LGSN: variants seen among roughly 807,000 people sequenced by gnomAD.
LGSN encodes lengsin.
A neutral mutation model predicts 19.5 loss-of-function variants in LGSN; 21 were observed. The observed-to-expected ratio is 1.07, with a 90% CI of 0.76 to 1.55. LGSN has a LOEUF of 1.55. Among genes scored for constraint, LGSN ranks in the 40% most tolerant of loss-of-function variants. LGSN has a pLI of 0.00. For synonymous variants in LGSN, 257 were observed against 215.6 expected (o/e 1.19, Z -1.68); for missense variants, 673 against 608.5 (o/e 1.11, Z -1.12).
chr6:63,342,513 T>G, the LGSN span, among the ~76,000 whole-genome samples: 1 of 152,186 alleles, frequency 6.6e-6, no homozygotes, highest in Non-Finnish European at 1.5e-5. Context: ...ACACATTAAA[T>G]AGTTATACTT....
the LGSN span, among the ~76,000 whole-genome samples, chr6:63,562,466 T>C: frequency 3.3e-5 from 5 of 152,250 alleles, no homozygotes. Context: ...CCCAAAGTGC[T>C]GGGATTACAG....
the LGSN span, among the ~76,000 whole-genome samples, chr6:63,534,809 A>ATAAAGAATTTCTTTACTAGAGAATTTAG: frequency 2.5e-4 from 38 of 152,188 alleles, no homozygotes; most frequent in African/African-American, 9.2e-4. Flanking sequence ...AAAGAATTTC[A>ATAAAGAATTTCTTTACTAGAGAATTTAG]TAAAGAATTT....
chr6:63,339,269 G>T, the LGSN span, among the ~76,000 whole-genome samples: 12 of 152,138 alleles, frequency 7.9e-5, no homozygotes, highest in Non-Finnish European at 1.6e-4. Flanking sequence ...TTGAAAATGG[G>T]ATATTGAAGT....
the LGSN span, among the ~76,000 whole-genome samples, chr6:63,497,762 GC>G: frequency 6.6e-6 from 1 of 151,786 alleles, no homozygotes; most frequent in Non-Finnish European, 1.5e-5. Flanking sequence ...TCATTTTATA[GC>G]CCTTTATATT....
chr6:63,294,959 A>C lies in LGSN; in HGVS notation c.117T>G (p.Tyr39Ter). Reference sequence around the variant, plus strand: ...TTTCTCCCACTTCAGTTGAACAAACATATGGTTTAGTGACTTTCTTCCTTG... The same window carrying C: ...TTTCTCCCACTTCAGTTGAACAAACCTATGGTTTAGTGACTTTCTTCCTTG... ...RRTRKKVTKP[Y>*]VCSTEVGETD... The change falls in exon 2 of 4, where the codon TAT becomes TAG. Residue 39 changes from tyrosine to a stop codon, truncating the protein, a stop_gained. Transcript: ENST00000370657. LOFTEE classifies it high-confidence loss of function. 1 of 1,613,900 alleles carries C rather than the reference A, an allele frequency of 6.2e-7. No homozygotes were observed.
At chr6:63,493,476 G>A in the LGSN span, among the ~76,000 whole-genome samples, 1 of 151,470 alleles carries the variant, frequency 6.6e-6, no homozygotes, top group African/African-American at 2.5e-5. Flanking sequence ...CATCTCAGCA[G>A]GACTGTCCAG....
At chr6:63,288,230 A>AAAAT (rs561099445) in intron 2 of LGSN, among the ~76,000 whole-genome samples, 38,685 of 138,174 alleles carry the variant, frequency 0.28, 6,212 homozygotes, top group Non-Finnish European at 0.36. Flanking sequence ...CCATCTCAAA[A>AAAAT]AAATAAATAA....
chr6:63,424,944 T>A, the LGSN span, among the ~76,000 whole-genome samples: 1 of 145,364 alleles, frequency 6.9e-6, no homozygotes, highest in African/African-American at 2.5e-5. Context: ...AATTCACCAG[T>A]AGAAAAATAA....
intron 2 of LGSN, among the ~76,000 whole-genome samples, chr6:63,289,473 C>A (rs543803073): frequency 4.5e-4 from 69 of 152,196 alleles, no homozygotes; most frequent in African/African-American, 1.3e-3. Flanking sequence ...CAGATAATTG[C>A]CAGTTCAGGA....
the LGSN span, among the ~76,000 whole-genome samples, chr6:63,483,006 T>C: frequency 3.3e-5 from 5 of 152,192 alleles, no homozygotes; most frequent in Non-Finnish European, 7.3e-5. Flanking sequence ...TGACTTATTC[T>C]TTCAACAAAT....
the LGSN span, among the ~76,000 whole-genome samples, chr6:63,487,660 C>T: frequency 1.3e-5 from 2 of 152,048 alleles, no homozygotes. Flanking sequence ...GGTATAAATC[C>T]TCAAAATCCT....
the LGSN span, among the ~76,000 whole-genome samples, chr6:63,410,734 T>C: frequency 6.6e-5 from 10 of 152,212 alleles, no homozygotes; most frequent in African/African-American, 2.4e-4. Context: ...CAAGAACCTA[T>C]GACATGTGTT....
At chr6:63,539,376 T>G in the LGSN span, among the ~76,000 whole-genome samples, 2 of 152,180 alleles carry the variant, frequency 1.3e-5, no homozygotes, top group African/African-American at 4.8e-5. Flanking sequence ...CCTCCAGGAT[T>G]CCATCCCACT....
upstream of LGSN, chr6:63,320,009 T>C: frequency 8.4e-7 from 1 of 1,188,496 alleles, no homozygotes; most frequent in Non-Finnish European, 1.3e-6. Context: ...CAACATGTAT[T>C]TATATGTGTA....
chr6:63,446,391 T>A, the LGSN span, among the ~76,000 whole-genome samples: 111 of 152,176 alleles, frequency 7.3e-4, no homozygotes, highest in African/African-American at 2.6e-3. Context: ...CCCCCAGAGC[T>A]TAATCTATCT....
chr6:63,314,481 A>G (rs1768766135), intron 1 of LGSN, among the ~76,000 whole-genome samples: 1 of 152,194 alleles, frequency 6.6e-6, no homozygotes, highest in African/African-American at 2.4e-5. Context: ...AGGAAGGAAG[A>G]GAAAAAATGA....
At chr6:63,488,983 C>G in the LGSN span, among the ~76,000 whole-genome samples, 3 of 152,056 alleles carry the variant, frequency 2.0e-5, no homozygotes, top group Admixed American at 1.3e-4. Flanking sequence ...GAATTCTGTC[C>G]TCCAATTTTA....
intron 1 of LGSN, among the ~76,000 whole-genome samples, chr6:63,306,054 GA>G (rs1479373196): frequency 2.6e-5 from 4 of 151,518 alleles, no homozygotes; most frequent in African/African-American, 9.7e-5. Context: ...GCAACAGAGT[GA>G]GACTCTGTCT....
chr6:63,472,279 T>C, the LGSN span, among the ~76,000 whole-genome samples: 2 of 152,144 alleles, frequency 1.3e-5, no homozygotes, highest in Non-Finnish European at 2.9e-5. Context: ...TATTCAAAAT[T>C]AGAAATGGGG....
Sources: allele counts gnomAD v4.1 joint callset (sites outside exome capture counted in the v4.1 genomes callset), GRCh38; gene constraint gnomAD v4.1.1; transcripts MANE v1.5; gene names NCBI Gene and HGNC (gene_info 2026-07-23, HGNC 2026-07-21).